CCDC148: variants seen among roughly 807,000 people sequenced by gnomAD.
CCDC148 encodes the protein coiled-coil domain-containing protein 148.
CCDC148 carries 89 observed loss-of-function variants against 85.7 expected under a neutral mutation model. The ratio of observed to expected loss-of-function variants is 1.04; its 90% CI spans 0.87 to 1.24. The LOEUF is 1.24. Among genes scored for constraint, CCDC148 ranks in the 50% most tolerant of loss-of-function variants. CCDC148 has a pLI of 0.00. For synonymous variants in CCDC148, 230 were observed against 213.9 expected, an observed-to-expected ratio of 1.08 and a Z score of -0.66; for missense variants, 692 against 671.7, an observed-to-expected ratio of 1.03 and a Z score of -0.33.
At chr2:158,379,083 T>C (rs1228065461) in intron 1 of CCDC148, among the ~76,000 whole-genome samples, 1 of 152,166 alleles carries the variant, frequency 6.6e-6, no homozygotes, top group Non-Finnish European at 1.5e-5. Flanking sequence ...ATTAAAAACC[T>C]GCTGAAAAGT....
chr2:158,350,397 A>G (rs1248594225), intron 2 of CCDC148, among the ~76,000 whole-genome samples: 1 of 152,218 alleles, frequency 6.6e-6, no homozygotes, highest in Non-Finnish European at 1.5e-5. Context: ...GTATATATAC[A>G]TGTATGAATA....
chr2:158,255,344 A>C (rs530469675), intron 9 of CCDC148, among the ~76,000 whole-genome samples: 256 of 151,702 alleles, frequency 1.7e-3, no homozygotes, highest in Non-Finnish European at 3.7e-4. Flanking sequence ...TGGAAGCTAG[A>C]GTGGTAAGAT....
At chr2:158,273,031 A>C (rs906399558) in intron 9 of CCDC148, among the ~76,000 whole-genome samples, 2 of 152,216 alleles carry the variant, frequency 1.3e-5, no homozygotes, top group African/African-American at 4.8e-5. Flanking sequence ...TTTTTCTTCT[A>C]ATATGAGATG....
chr2:158,330,796 T>C (rs1199830858), intron 7 of CCDC148, among the ~76,000 whole-genome samples: 1 of 152,198 alleles, frequency 6.6e-6, no homozygotes, highest in Non-Finnish European at 1.5e-5. Flanking sequence ...TTTATTTGCA[T>C]AGAGGTGTTT....
At chr2:158,353,736 A>C (rs1438269907) in intron 2 of CCDC148, among the ~76,000 whole-genome samples, 1 of 152,198 alleles carries the variant, frequency 6.6e-6, no homozygotes. Context: ...CCTAATAGAT[A>C]TCTACAGAAC....
At chr2:158,437,790 C>G (rs1330672711) in intron 1 of CCDC148, among the ~76,000 whole-genome samples, 2 of 152,178 alleles carry the variant, frequency 1.3e-5, no homozygotes, top group African/African-American at 2.4e-5. Context: ...TCTCAGGATA[C>G]AAAATCAATG....
chr2:158,420,456 T>G (rs1215627146), intron 1 of CCDC148, among the ~76,000 whole-genome samples: 3 of 152,162 alleles, frequency 2.0e-5, no homozygotes, highest in Non-Finnish European at 2.9e-5. Flanking sequence ...GAAAAGAATC[T>G]TCAACCCATA....
At chr2:158,402,686 A>G (rs932954027) in intron 1 of CCDC148, among the ~76,000 whole-genome samples, 2 of 152,094 alleles carry the variant, frequency 1.3e-5, no homozygotes, top group African/African-American at 2.4e-5. Context: ...GAAGGATTAC[A>G]GTTGAGAAGA....
At chr2:158,442,767 C>G (rs1326700408) in intron 1 of CCDC148, among the ~76,000 whole-genome samples, 1 of 152,238 alleles carries the variant, frequency 6.6e-6, no homozygotes, top group Admixed American at 6.5e-5. Flanking sequence ...ATAGCAATTA[C>G]TATGTGCCAG....
chr2:158,275,736 G>A (rs200457338), intron 9 of CCDC148, among the ~76,000 whole-genome samples: 12 of 146,812 alleles, frequency 8.2e-5, no homozygotes, highest in African/African-American at 1.3e-4. Context: ...AATTTAAATT[G>A]AAAAAAAAAA....
intron 1 of CCDC148, among the ~76,000 whole-genome samples, chr2:158,430,411 A>G (rs930862480): frequency 6.6e-6 from 1 of 152,206 alleles, no homozygotes; most frequent in African/African-American, 2.4e-5. Flanking sequence ...TAACATTTAC[A>G]ACATCCTGTA....
chr2:158,223,176 CG>C (rs1687288218), intron 10 of CCDC148, among the ~76,000 whole-genome samples: 1 of 152,188 alleles, frequency 6.6e-6, no homozygotes, highest in Admixed American at 6.5e-5. Flanking sequence ...TCATATCCCT[CG>C]CCTGGCTTGG....
At chr2:158,313,976 G>C in intron 7 of CCDC148, 82 bp from the exon 8 acceptor site, 1 of 1,340,980 alleles carries the variant, frequency 7.5e-7, no homozygotes, top group South Asian at 1.5e-5. Context: ...CTACTAGCAA[G>C]TGATAGTAAC....
At chr2:158,264,530 T>A (rs1689372760) in intron 9 of CCDC148, among the ~76,000 whole-genome samples, 1 of 152,122 alleles carries the variant, frequency 6.6e-6, no homozygotes, top group Admixed American at 6.6e-5. Context: ...CTGAATGCTA[T>A]CTTCTAGAAA....
intron 1 of CCDC148, among the ~76,000 whole-genome samples, chr2:158,428,408 T>C (rs556949709): frequency 1.3e-5 from 2 of 152,062 alleles, no homozygotes; most frequent in African/African-American, 2.4e-5. Context: ...GAATAATTCG[T>C]TGAAATATGA....
At chr2:158,240,741 A>G (rs868600815) in intron 10 of CCDC148, among the ~76,000 whole-genome samples, 11 of 152,246 alleles carry the variant, frequency 7.2e-5, no homozygotes, top group African/African-American at 2.4e-4. Context: ...GTCACAGGCA[A>G]TCAAAGAAAA....
At chr2:158,329,970 T>C (rs1693008085) in intron 7 of CCDC148, among the ~76,000 whole-genome samples, 1 of 152,204 alleles carries the variant, frequency 6.6e-6, no homozygotes, top group Non-Finnish European at 1.5e-5. Context: ...CAATTTGACT[T>C]CCTCTTTTCC....
intron 9 of CCDC148, among the ~76,000 whole-genome samples, chr2:158,276,606 T>C (rs1260274396): frequency 6.9e-6 from 1 of 145,132 alleles, no homozygotes; most frequent in Non-Finnish European, 1.5e-5. Flanking sequence ...AACTGCCTCA[T>C]TATACTCGTG....
At chr2:158,377,963 T>C (rs762546627) in intron 1 of CCDC148, among the ~76,000 whole-genome samples, 2 of 152,126 alleles carry the variant, frequency 1.3e-5, no homozygotes, top group Non-Finnish European at 2.9e-5. Context: ...ATTAGGCTAA[T>C]TAATAACCCT....
Sources: gnomAD v4.1 joint callset for allele counts (sites outside exome capture counted in the v4.1 genomes callset) on GRCh38, gnomAD v4.1.1 for gene constraint, MANE v1.5 for transcripts, NCBI Gene and HGNC (gene_info 2026-07-23, HGNC 2026-07-21) for gene names.